The following TNKS variants were observed in gnomAD, a reference collection of about 807,000 sequenced individuals.
TNKS encodes poly [ADP-ribose] polymerase tankyrase-1.
Under a neutral mutation model 135.8 loss-of-function variants are expected in TNKS, and 72 were observed. The observed-to-expected ratio is 0.53, with a 90% confidence interval of 0.44 to 0.64. The LOEUF (loss-of-function observed/expected upper bound fraction) is 0.64. TNKS is among the 30% of genes least tolerant of loss of function. The probability of loss-of-function intolerance (pLI) is 0.00; values close to 1 mark genes in which losing one functional copy is unlikely to be tolerated. For synonymous variants in TNKS, 849 were observed against 649.3 expected (o/e 1.31, Z -4.68); for missense variants, 1,769 against 1,674.0 (o/e 1.06, Z -0.99).
At chr8:9,774,314 T>G (rs1276421042) in intron 26 of TNKS, among the ~76,000 whole-genome samples, 1 of 152,176 alleles carries the variant, frequency 6.6e-6, no homozygotes, top group Non-Finnish European at 1.5e-5. Flanking sequence ...ATTTCTAAAA[T>G]GGTTTCCAAA....
chr8:9,572,691 A>C (rs1483154899), intron 1 of TNKS, among the ~76,000 whole-genome samples: 1 of 152,206 alleles, frequency 6.6e-6, no homozygotes, highest in Non-Finnish European at 1.5e-5. Context: ...CTGCTGTGCT[A>C]TATACCCCTC....
chr8:9,675,376 A>G (rs979075305), intron 3 of TNKS, among the ~76,000 whole-genome samples: 2 of 152,208 alleles, frequency 1.3e-5, no homozygotes, highest in East Asian at 1.9e-4. Context: ...TCTGGAATAT[A>G]AGAGTCCCCA....
intron 1 of TNKS, among the ~76,000 whole-genome samples, chr8:9,559,678 C>G (rs576041825): frequency 2.0e-4 from 30 of 152,192 alleles, no homozygotes; most frequent in Non-Finnish European, 3.2e-4. Context: ...GGTTTAGCTC[C>G]CACTTACTTA....
At chr8:9,756,813 C>G (rs1020818174) in intron 20 of TNKS, among the ~76,000 whole-genome samples, 1 of 152,148 alleles carries the variant, frequency 6.6e-6, no homozygotes, top group Non-Finnish European at 1.5e-5. Context: ...TCATCCCTTC[C>G]ATGCCATTTT....
chr8:9,659,290 C>A (rs1801580577), intron 3 of TNKS, among the ~76,000 whole-genome samples: 1 of 152,184 alleles, frequency 6.6e-6, no homozygotes, highest in Non-Finnish European at 1.5e-5. Flanking sequence ...ACGTTCTTTT[C>A]AGCACCACAC....
At chr8:9,576,252 A>G (rs1797939928) in intron 1 of TNKS, among the ~76,000 whole-genome samples, 1 of 152,250 alleles carries the variant, frequency 6.6e-6, no homozygotes. Context: ...TGGCCAGTGT[A>G]TTAGTCCATT....
At chr8:9,669,358 C>T (rs964912758) in intron 3 of TNKS, among the ~76,000 whole-genome samples, 10 of 145,634 alleles carry the variant, frequency 6.9e-5, no homozygotes, top group Non-Finnish European at 1.3e-4. Flanking sequence ...GCGGAGCTTG[C>T]AGTGAGCCGA....
At chr8:9,658,696 C>G (rs900176239) in intron 3 of TNKS, among the ~76,000 whole-genome samples, 13 of 152,184 alleles carry the variant, frequency 8.5e-5, no homozygotes, top group Non-Finnish European at 1.9e-4. Flanking sequence ...AAATAACTAG[C>G]TAACATCATA....
intron 20 of TNKS, among the ~76,000 whole-genome samples, chr8:9,758,659 C>T (rs986580070): frequency 2.8e-4 from 43 of 152,312 alleles, no homozygotes; most frequent in African/African-American, 9.6e-4. Flanking sequence ...GGTCTGCAGT[C>T]TCACCTGGGG....
chr8:9,614,460 C>T (rs1799567247), intron 2 of TNKS, among the ~76,000 whole-genome samples: 1 of 152,112 alleles, frequency 6.6e-6, no homozygotes, highest in Non-Finnish European at 1.5e-5. Context: ...CTGGATAAGG[C>T]TGTTGTTTGT....
At chr8:9,659,840 C>T (rs568209617) in intron 3 of TNKS, among the ~76,000 whole-genome samples, 67 of 151,956 alleles carry the variant, frequency 4.4e-4, no homozygotes, top group African/African-American at 1.4e-3. Context: ...AAACCGCTAG[C>T]GAGACTAATA....
chr8:9,709,161 T>G (rs953281836), intron 9 of TNKS, among the ~76,000 whole-genome samples: 3 of 152,170 alleles, frequency 2.0e-5, no homozygotes, highest in African/African-American at 7.2e-5. Context: ...TTACGTATAT[T>G]TGACACAAAA....
intron 2 of TNKS, among the ~76,000 whole-genome samples, chr8:9,598,344 G>C (rs1798872605): frequency 1.3e-5 from 2 of 152,076 alleles, no homozygotes; most frequent in Non-Finnish European, 2.9e-5. Flanking sequence ...ACCGCGCCCG[G>C]CCAGTAATGA....
rs758477044 is a variant in TNKS, at chr8:9,556,482, G to A, written c.543G>A (p.Gly181=). The A allele has an allele frequency of 6.2e-7, 1 of 1,614,178 alleles. No homozygotes were observed. Among genetic ancestry groups the A allele is most frequent in the East Asian group, 2.2e-5 (1 of 44,870 alleles). ...GGACAGGGGTCCCAGCAGTGAGCGG[G>A]GCCCTACGGGAACTGCTGGAGGCCT... The part of the protein sequence containing the change: ...GPGTGVPAVS[G]ALRELLEACR... The change falls in exon 1 of 27, where the codon GGG becomes GGA. Residue 181 remains glycine (G), a synonymous_variant. Coordinates refer to ENST00000310430, the MANE Select transcript of TNKS (RefSeq NM_003747.3).
chr8:9,622,697 A>G (rs1190065400), intron 3 of TNKS, among the ~76,000 whole-genome samples: 1 of 152,212 alleles, frequency 6.6e-6, no homozygotes, highest in Non-Finnish European at 1.5e-5. Context: ...GTCTGTTAAT[A>G]TAATGTTCTT....
At chr8:9,612,706 A>AG (rs1451859829) in intron 2 of TNKS, among the ~76,000 whole-genome samples, 2 of 152,130 alleles carry the variant, frequency 1.3e-5, no homozygotes, top group Non-Finnish European at 2.9e-5. Context: ...GGTAGAGTCG[A>AG]GGGAGGGATG....
At chr8:9,577,680 G>A (rs193079936) in intron 1 of TNKS, among the ~76,000 whole-genome samples, 5 of 152,280 alleles carry the variant, frequency 3.3e-5, no homozygotes, top group African/African-American at 1.2e-4. Context: ...TAACACTGGG[G>A]ATCATAATTT....
At chr8:9,605,763 G>C (rs1421036792) in intron 2 of TNKS, among the ~76,000 whole-genome samples, 1 of 152,078 alleles carries the variant, frequency 6.6e-6, no homozygotes, top group African/African-American at 2.4e-5. Context: ...AAATGCCCTA[G>C]TCTCTTGCTC....
At chr8:9,674,295 A>T (rs1048235694) in intron 3 of TNKS, among the ~76,000 whole-genome samples, 3 of 152,218 alleles carry the variant, frequency 2.0e-5, no homozygotes, top group African/African-American at 7.2e-5. Flanking sequence ...AAGGTCACAC[A>T]AGTAAACTAG....
Sources: gnomAD v4.1 joint callset for allele counts (sites outside exome capture counted in the v4.1 genomes callset) on GRCh38, gnomAD v4.1.1 for gene constraint, MANE v1.5 for transcripts, NCBI Gene and HGNC (gene_info 2026-07-23, HGNC 2026-07-21) for gene names.